The following ASMTL variants were observed in gnomAD, a reference collection of about 807,000 sequenced individuals.
ASMTL encodes acetylserotonin O-methyltransferase like.
Under a neutral mutation model 60.3 loss-of-function variants are expected in ASMTL, and 57 were observed. The observed-to-expected ratio is 0.95, with a 90% CI of 0.76 to 1.18. The LOEUF (loss-of-function observed/expected upper bound fraction) is 1.18, where lower values mean the gene tolerates loss of function less well. ASMTL is among the 50% of genes most tolerant of loss of function. ASMTL has a pLI of 0.00. For missense variants in ASMTL, 981 were observed against 852.6 expected, an observed-to-expected ratio of 1.15 and a Z score of -1.88; for synonymous variants, 419 against 373.0, an observed-to-expected ratio of 1.12 and a Z score of -1.42.
At chrX:1,450,024 C>G (rs1179252876) in intron 1 of ASMTL, among the ~76,000 whole-genome samples, 1 of 150,834 alleles carries the variant, frequency 6.6e-6, no homozygotes, top group Admixed American at 6.6e-5. Flanking sequence ...TCTCCCATCA[C>G]CAGTAACTAT....
rs765203779 is a variant in ASMTL, at chrX:1,405,481, GGATA to G, written c.1646-1996_1646-1993del. Among the ~76,000 whole-genome samples, 135 of 151,550 alleles carry G rather than the reference GGATA, an allele frequency of 8.9e-4. 1 individual carries two copies. Among genetic ancestry groups the G allele is most frequent in the African/African-American group, 3.1e-3 (130 of 41,282 alleles). On this transcript the variant is annotated intron_variant, in intron 12 of 12. Coordinates refer to ENST00000381317, the MANE Select transcript of ASMTL (RefSeq NM_004192.4). ...ATGATGGTTAGGTAGGTAGATGAGT[GGATA>G]GATAGATGGATGCATGCATGAGATG... is the stretch of plus-strand genomic sequence containing the variant.
At chrX:1,417,452 C>T (rs1319258195) in intron 11 of ASMTL, among the ~76,000 whole-genome samples, 1 of 149,762 alleles carries the variant, frequency 6.7e-6, no homozygotes, top group Non-Finnish European at 1.5e-5. Context: ...GGACATACTA[C>T]ACAGACGTGC....
chrX:1,442,214 G>A lies in ASMTL; in HGVS notation c.197C>T (p.Ala66Val). The change falls in exon 2 of 13, where the codon GCC (alanine) becomes GTC (valine). Residue 66 changes from alanine to valine, a missense_variant. Physicochemically the swap from Ala to Val is moderately conservative, Grantham distance 64. Transcript: ENST00000381317. ...GTACAGCCGGTTGGCCACCTCCAGG[G>A]CCTTCTGCTTGGCGGTCTCCATGGC... The part of the protein sequence containing the change: ...GYAMETAKQK[A>V]LEVANRLYQK... 6.2e-7 allele frequency: 1 copy of A among 1,613,772 alleles called. No individual in the cohort carries two copies. Among genetic ancestry groups the A allele is most frequent in the Admixed American group, 1.7e-5 (1 of 60,010 alleles).
At chrX:1,417,130 G>A (rs1260018415) in intron 11 of ASMTL, among the ~76,000 whole-genome samples, 2 of 150,376 alleles carry the variant, frequency 1.3e-5, no homozygotes, top group African/African-American at 4.9e-5. Flanking sequence ...CATGCACACA[G>A]ACACACAACC....
chrX:1,406,970 G>A (rs2089877176), intron 12 of ASMTL, among the ~76,000 whole-genome samples: 1 of 151,544 alleles, frequency 6.6e-6, no homozygotes, highest in Non-Finnish European at 1.5e-5. Context: ...GTAGATGATG[G>A]GTAGGTAGAT....
intron 1 of ASMTL, among the ~76,000 whole-genome samples, chrX:1,443,466 C>T (rs1311069654): frequency 6.7e-6 from 1 of 149,812 alleles, no homozygotes; most frequent in Non-Finnish European, 1.5e-5. Flanking sequence ...GGACACACAC[C>T]ACCATCGTGG....
intron 3 of ASMTL, among the ~76,000 whole-genome samples, chrX:1,438,010 C>T (rs568918917): frequency 9.2e-5 from 14 of 152,020 alleles, no homozygotes; most frequent in African/African-American, 2.4e-4. Flanking sequence ...AAATTTCAGC[C>T]GGGCGCGGTG....
intron 1 of ASMTL, among the ~76,000 whole-genome samples, chrX:1,446,191 T>G (rs2091227246): frequency 6.6e-6 from 1 of 152,140 alleles, no homozygotes; most frequent in Admixed American, 6.6e-5. Flanking sequence ...CTCCTCTCTC[T>G]CTCTGCCTCG....
At chrX:1,429,468 C>T (rs370522011) in intron 6 of ASMTL, among the ~76,000 whole-genome samples, 3 of 152,044 alleles carry the variant, frequency 2.0e-5, no homozygotes, top group Non-Finnish European at 2.9e-5. Context: ...CTACTGTGCC[C>T]GGCCTGTCTT....
chrX:1,427,714 G>A lies in ASMTL; in HGVS notation c.897+20C>T, dbSNP rs748719648. ...TAGGCTCATTTGTGAAATGTGGCCTGAGGAGACAGACACAGGTACCTTGGA... is the reference window on the plus strand; with the variant it reads ...TAGGCTCATTTGTGAAATGTGGCCTAAGGAGACAGACACAGGTACCTTGGA... On this transcript the variant is annotated intron_variant, in intron 7 of 12. Coordinates refer to ENST00000381317, the MANE Select transcript of ASMTL (RefSeq NM_004192.4). 1.3e-6 allele frequency: 2 copies of A among 1,587,554 alleles called. No individual in the cohort carries two copies. Among genetic ancestry groups the A allele is most frequent in the Admixed American group, 1.7e-5 (1 of 58,730 alleles).
Position 1,439,079 on chromosome X carries a change from C to G in ASMTL, c.273+18G>C, listed in dbSNP as rs200504820. ...ACCACATCGGACATTAGAAACGAGGCACCCTGGCCGCACTCACCACGATCG... is the reference window on the plus strand; with the variant it reads ...ACCACATCGGACATTAGAAACGAGGGACCCTGGCCGCACTCACCACGATCG... On this transcript the variant is annotated intron_variant, in intron 3 of 12. Coordinates refer to ENST00000381317, the MANE Select transcript of ASMTL (RefSeq NM_004192.4). 1.2e-6 allele frequency: 2 copies of G among 1,613,668 alleles called. No individual in the cohort carries two copies. Among genetic ancestry groups the G allele is most frequent in the Non-Finnish European group, 1.7e-6 (2 of 1,179,570 alleles).
intron 5 of ASMTL, 103 bp from the exon 6 acceptor site, chrX:1,432,480 C>A (rs1223060306): frequency 2.4e-6 from 2 of 826,292 alleles, no homozygotes; most frequent in Non-Finnish European, 4.1e-6. Context: ...TCGAGCGCAG[C>A]GCACAGTTCA....
At chrX:1,417,342 C>A (rs6645287) in intron 11 of ASMTL, among the ~76,000 whole-genome samples, 2 of 151,236 alleles carry the variant, frequency 1.3e-5, no homozygotes, top group Middle Eastern at 3.2e-3. Context: ...TATATCCACA[C>A]GGATGCACAC....
In ASMTL at chrX:1,403,241, T is replaced by G; in HGVS notation, c.*28A>C. On this transcript the variant is annotated 3_prime_UTR_variant, in exon 13 of 13. Coordinates refer to ENST00000381317, the MANE Select transcript of ASMTL (RefSeq NM_004192.4). ...TCCACCTGCAGCCTGGGGGAGGACA[T>G]CCCTATAATGAACATGCTGCCTGGG... The G allele has an allele frequency of 6.3e-7, 1 of 1,598,060 alleles. No individual in the cohort carries two copies. The highest frequency in any genetic ancestry group is 1.7e-5 in the Admixed American group (1 of 59,768).
chrX:1,412,688 A>G (rs1395978769), intron 12 of ASMTL, 44 bp downstream of exon 12: 1 of 1,613,674 alleles, frequency 6.2e-7, no homozygotes, highest in Non-Finnish European at 8.5e-7. Context: ...AACCCAAAAT[A>G]CTACGTCTTA....
intron 12 of ASMTL, among the ~76,000 whole-genome samples, chrX:1,404,388 G>A (rs1410626248): frequency 6.6e-6 from 1 of 151,158 alleles, no homozygotes; most frequent in Non-Finnish European, 1.5e-5. Context: ...GTAGATGATG[G>A]GTAGGTAGGT....
At chrX:1,418,821 T>C in intron 10 of ASMTL, 161 bp downstream of exon 10, 1 of 422,092 alleles carries the variant, frequency 2.4e-6, no homozygotes, top group Non-Finnish European at 3.2e-6. Context: ...CTCCTGGAAC[T>C]TGGGAATATC....
rs143986754 is a variant in ASMTL at position 1,414,407 on chromosome X, G to C, written c.1523-1553C>G. Reference sequence around the variant, plus strand: ...GCTGCGAGGAGAAGGTGCTCTTTCAGGGCTCATGATTTTAAACTTTAGCAT... The same window carrying C: ...GCTGCGAGGAGAAGGTGCTCTTTCACGGCTCATGATTTTAAACTTTAGCAT... On this transcript the variant is annotated intron_variant, in intron 11 of 12. Coordinates refer to ENST00000381317, the MANE Select transcript of ASMTL (RefSeq NM_004192.4). 2.4e-3 allele frequency among the ~76,000 whole-genome samples: 365 copies of C among 152,294 alleles called. 2 individuals are homozygous for C. Among genetic ancestry groups the C allele is most frequent in the African/African-American group, 8.4e-3 (348 of 41,562 alleles).
intron 5 of ASMTL, among the ~76,000 whole-genome samples, chrX:1,432,755 G>C (rs1444578494): frequency 6.6e-6 from 1 of 152,108 alleles, no homozygotes; most frequent in African/African-American, 2.4e-5. Context: ...CTTGAACCCG[G>C]GAGGTGCAGG....
Sources: allele counts gnomAD v4.1 joint callset (sites outside exome capture counted in the v4.1 genomes callset), GRCh38; gene constraint gnomAD v4.1.1; transcripts MANE v1.5; gene names NCBI Gene and HGNC (gene_info 2026-07-23, HGNC 2026-07-21).